Variants in SLC16A10 observed in about 807,000 individuals in gnomAD.
SLC16A10 encodes solute carrier family 16 member 10.
SLC16A10 carries 27 observed loss-of-function variants against 40.0 expected under a neutral mutation model. The ratio of observed to expected loss-of-function variants is 0.67; its 90% confidence interval spans 0.50 to 0.93. The LOEUF (loss-of-function observed/expected upper bound fraction) is 0.93, where lower values mean the gene tolerates loss of function less well. SLC16A10 is among the 40% of genes least tolerant of loss of function. SLC16A10 has a pLI of 0.00. For synonymous variants in SLC16A10, 213 were observed against 249.8 expected, an observed-to-expected ratio of 0.85 and a Z score of 1.39; for missense variants, 529 against 658.2, an observed-to-expected ratio of 0.80 and a Z score of 2.15.
At chr6:111,158,369 T>C (rs1772310364) in intron 1 of SLC16A10, among the ~76,000 whole-genome samples, 1 of 152,160 alleles carries the variant, frequency 6.6e-6, no homozygotes, top group African/African-American at 2.4e-5. Context: ...ACTGGTTTCA[T>C]GGAGGACAAT....
chr6:111,136,879 A>G (rs1174262887), intron 1 of SLC16A10, among the ~76,000 whole-genome samples: 7 of 152,218 alleles, frequency 4.6e-5, no homozygotes, highest in Admixed American at 3.3e-4. Flanking sequence ...GGGCAAATAT[A>G]TATACAGACT....
intron 1 of SLC16A10, among the ~76,000 whole-genome samples, chr6:111,132,185 A>G (rs935731710): frequency 6.7e-6 from 1 of 149,896 alleles, no homozygotes; most frequent in East Asian, 1.9e-4. Context: ...GGGCTAGGAG[A>G]AGAGAGAGAG....
At chr6:111,161,651 G>A (rs1583336228) in intron 1 of SLC16A10, among the ~76,000 whole-genome samples, 1 of 152,244 alleles carries the variant, frequency 6.6e-6, no homozygotes, top group Middle Eastern at 3.4e-3. Flanking sequence ...CATGACTGGA[G>A]TTTAATGGCC....
At chr6:111,102,974 T>C (rs1461132268) in intron 1 of SLC16A10, among the ~76,000 whole-genome samples, 14 of 152,196 alleles carry the variant, frequency 9.2e-5, no homozygotes, top group Admixed American at 9.2e-4. Context: ...TGCACGCTCA[T>C]GGCTCACTGC....
intron 3 of SLC16A10, chr6:111,178,534 G>A: frequency 4.7e-6 from 2 of 427,924 alleles, no homozygotes; most frequent in East Asian, 7.1e-5. Context: ...AACATAAGGA[G>A]ACTTCATCCC....
At chr6:111,209,355 A>C (rs1773306403) in intron 4 of SLC16A10, among the ~76,000 whole-genome samples, 1 of 152,218 alleles carries the variant, frequency 6.6e-6, no homozygotes, top group Admixed American at 6.5e-5. Context: ...TGATGAAGCC[A>C]CTTAGGCTGG....
intron 1 of SLC16A10, among the ~76,000 whole-genome samples, chr6:111,155,207 T>C (rs1314620618): frequency 6.6e-6 from 1 of 151,420 alleles, no homozygotes; most frequent in Non-Finnish European, 1.5e-5. Context: ...CTTTTTTTTT[T>C]TTTTTTTGAA....
At position 111,172,742 on chromosome 6, in the gene SLC16A10, A is replaced by G; in HGVS notation, c.391A>G (p.Ile131Val). 6 of 1,614,162 alleles carry G rather than the reference A, an allele frequency of 3.7e-6. No homozygotes were observed. Among genetic ancestry groups the G allele is most frequent in the South Asian group, 1.1e-5 (1 of 91,086 alleles). Residue 131 changes from isoleucine to valine, a missense_variant, in exon 2 of 6, where the codon ATA becomes GTA. Ile to Val is a conservative substitution (Grantham distance 29). Transcript: ENST00000368851. ...GGGGATGATTTTCTTTTGCTGCCCA[A>G]TAGTCAGCGTCTTCACAGACCTATT... ...SMGMIFFCCP[I>V]VSVFTDLFGC...
At chr6:111,173,452 AC>A (rs1352208359) in intron 2 of SLC16A10, 3 of 152,142 alleles carry the variant, frequency 2.0e-5, no homozygotes, top group South Asian at 2.1e-4. Flanking sequence ...AGGATCCCCA[AC>A]CCCTGTGCCA....
chr6:111,101,011 TATATATAA>T (rs1356423327), intron 1 of SLC16A10, among the ~76,000 whole-genome samples: 317 of 138,550 alleles, frequency 2.3e-3, no homozygotes, highest in African/African-American at 8.6e-3. Flanking sequence ...TATATATATA[TATATATAA>T]ATATATGTAT....
At position 111,217,822 on chromosome 6, in the gene SLC16A10, A is replaced by ATT. The variant is rs1770794879; in HGVS notation, c.1087-992_1087-991insTT. On this transcript the variant is annotated intron_variant, in intron 4 of 5. Coordinates refer to ENST00000368851, the MANE Select transcript of SLC16A10 (RefSeq NM_018593.5). ...AATTGACTGTTTCCTCCTTTTTTGTACCCATCATACTTTGAATATATAACT... is the reference window on the plus strand; with the variant it reads ...AATTGACTGTTTCCTCCTTTTTTGTATTCCCATCATACTTTGAATATATAACT... Among the ~76,000 whole-genome samples the ATT allele has an allele frequency of 5.9e-5, 9 of 152,156 alleles. No individual in the cohort carries two copies. In the South Asian group the frequency reaches 8.3e-4, roughly 14 times the overall value.
intron 1 of SLC16A10, among the ~76,000 whole-genome samples, chr6:111,154,579 A>G (rs1772234251): frequency 6.6e-6 from 1 of 152,244 alleles, no homozygotes; most frequent in Non-Finnish European, 1.5e-5. Context: ...TTTGTTTCTT[A>G]TAGGAGATGC....
intron 1 of SLC16A10, among the ~76,000 whole-genome samples, chr6:111,123,573 C>T (rs2114478140): frequency 6.6e-6 from 1 of 152,284 alleles, no homozygotes; most frequent in African/African-American, 2.4e-5. Flanking sequence ...TTGCTGCTGC[C>T]TCAGTTATTT....
Position 111,087,634 on chromosome 6 carries a change from C to A in SLC16A10, c.-119C>A. ...TGCCAGCCCGCCCGCCCGCCAGGGG[C>A]TCCGCCGCCCTCGCCTCGGCCTCGT... On this transcript the variant is annotated 5_prime_UTR_variant, in exon 1 of 6. Transcript: ENST00000368851. The A allele has an allele frequency of 1.9e-6, 1 of 525,534 alleles. No individual in the cohort carries two copies. The highest frequency in any genetic ancestry group is 9.6e-5 in the South Asian group (1 of 10,444). 32.6% of individuals were successfully genotyped at this position (525,534 alleles called of 1,614,324 possible). A position where few individuals can be genotyped will look rare whatever the true frequency, so the allele number is the denominator to read the frequency against.
At chr6:111,184,010 G>A (rs528658673) in intron 3 of SLC16A10, among the ~76,000 whole-genome samples, 16 of 152,070 alleles carry the variant, frequency 1.1e-4, no homozygotes, top group Non-Finnish European at 2.4e-4. Context: ...GATAAATGCC[G>A]AAGAATGACA....
rs1201209862 is a variant in SLC16A10 at position 111,087,699 on chromosome 6, T to G, written c.-54T>G. The stretch of plus-strand genomic sequence containing the variant: ...CCCCGCAGCTCCTCCGGGAGCCCGC[T>G]GGTAACTCGCGTCCCTCGCGCTTCT... On this transcript the variant is annotated 5_prime_UTR_variant, in exon 1 of 6. Transcript: ENST00000368851. The G allele has an allele frequency of 2.9e-6, 3 of 1,039,572 alleles. No individual in the cohort carries two copies. The highest frequency in any genetic ancestry group is 2.4e-6 in the Non-Finnish European group (2 of 822,690). The allele number at this position is 1,039,572 out of a possible 1,614,324, so 64.4% of individuals were successfully genotyped here.
intron 1 of SLC16A10, among the ~76,000 whole-genome samples, chr6:111,167,399 G>C (rs551458372): frequency 6.6e-6 from 1 of 152,218 alleles, no homozygotes; most frequent in East Asian, 1.9e-4. Context: ...CACCTTCTTG[G>C]GCAGAAGTAA....
chr6:111,117,655 A>G (rs1771512715), intron 1 of SLC16A10, among the ~76,000 whole-genome samples: 1 of 152,148 alleles, frequency 6.6e-6, no homozygotes, highest in Non-Finnish European at 1.5e-5. Context: ...TTCACCACCG[A>G]TTTATGACTA....
chr6:111,105,169 C>G (rs1391075582), intron 1 of SLC16A10, among the ~76,000 whole-genome samples: 1 of 152,030 alleles, frequency 6.6e-6, no homozygotes, highest in African/African-American at 2.4e-5. Context: ...GACCAAGAGA[C>G]TGTGAGAATA....
Sources: allele counts gnomAD v4.1 joint callset (sites outside exome capture counted in the v4.1 genomes callset), GRCh38; gene constraint gnomAD v4.1.1; transcripts MANE v1.5; gene names NCBI Gene and HGNC (gene_info 2026-07-23, HGNC 2026-07-21).